Variants in MGA observed in about 807,000 individuals in gnomAD.
The protein encoded by MGA is MAX gene-associated protein.
MGA carries 40 observed loss-of-function variants against 261.1 expected under a neutral mutation model. That is an observed-to-expected ratio of 0.15 (90% CI 0.12 to 0.20). The LOEUF (loss-of-function observed/expected upper bound fraction) is 0.20. MGA is among the 10% of genes least tolerant of loss of function. MGA has a pLI of 1.00. For synonymous variants in MGA, 1,302 were observed against 1,290.6 expected (o/e 1.01, Z -0.19); for missense variants, 3,397 against 3,630.5 (o/e 0.94, Z 1.65).
chr15:41,737,436 T>A (rs993964743), intron 13 of MGA, among the ~76,000 whole-genome samples: 17 of 151,878 alleles, frequency 1.1e-4, no homozygotes, highest in African/African-American at 3.9e-4. Context: ...ATTACAGGGG[T>A]GAGCCACCAT....
chr15:41,762,587 C>T (rs114060885), intron 22 of MGA, among the ~76,000 whole-genome samples: 2,008 of 148,780 alleles, frequency 0.013, 50 homozygotes, highest in African/African-American at 0.047. Context: ...TCTGCTTCAG[C>T]CTCCTGAGTA....
At chr15:41,642,455 G>A (rs983501859) in intron 1 of MGA, among the ~76,000 whole-genome samples, 1 of 151,056 alleles carries the variant, frequency 6.6e-6, no homozygotes, top group Non-Finnish European at 1.5e-5. Flanking sequence ...GATTACAGGT[G>A]CCCGCCACTA....
At chr15:41,685,092 T>C (rs2058884350) in intron 2 of MGA, among the ~76,000 whole-genome samples, 1 of 152,228 alleles carries the variant, frequency 6.6e-6, no homozygotes. Flanking sequence ...GAAGTTGTTT[T>C]GGTTTTCACA....
At position 41,749,861 on chromosome 15, in the gene MGA, A is replaced by C. The variant is rs1389908138; in HGVS notation, c.6254A>C (p.Glu2085Ala). The C allele has an allele frequency of 6.2e-7, 1 of 1,613,940 alleles. No homozygotes were observed. The highest frequency in any genetic ancestry group is 1.7e-5 in the Admixed American group (1 of 60,024). Residue 2085 changes from glutamate to alanine, a missense_variant, in exon 17 of 24, where the codon GAA (glutamate) becomes GCA (alanine). This residue lies in a region of MGA where 1,410 missense variants were observed against 1,386.4 expected (regional missense o/e 1.02). Transcript: ENST00000219905. ...TCCAAAGAAAAAGTGGCTGTTCTGG[A>C]AGTTAGGACCATTTCTGAAAAAGCC...
chr15:41,727,119 C>G, intron 9 of MGA, 61 bp from the exon 10 acceptor site: 16 of 1,358,854 alleles, frequency 1.2e-5, no homozygotes, highest in Non-Finnish European at 1.6e-5. Flanking sequence ...TTTGGCAGTG[C>G]CTCAGTATTG....
chr15:41,762,109 T>G lies in MGA; in HGVS notation c.7511-20T>G, dbSNP rs761526697. 6.4e-6 allele frequency: 10 copies of G among 1,564,886 alleles called. No individual in the cohort carries two copies. Among genetic ancestry groups the G allele is most frequent in the Non-Finnish European group, 5.3e-6 (6 of 1,139,542 alleles). ...TGTGGCGTAATGCTGAAAGTGCTAATGTATTCTGTTAACTTACAGGTAAGA... is the reference window on the plus strand; with the variant it reads ...TGTGGCGTAATGCTGAAAGTGCTAAGGTATTCTGTTAACTTACAGGTAAGA... On this transcript the variant is annotated intron_variant, in intron 21 of 23. Coordinates refer to ENST00000219905, the MANE Select transcript of MGA (RefSeq NM_001164273.2).
At position 41,722,045 on chromosome 15, in the gene MGA, A is replaced by G. The variant is rs572032390; in HGVS notation, c.3431-5135A>G. 3.9e-5 allele frequency among the ~76,000 whole-genome samples: 6 copies of G among 152,232 alleles called. No homozygotes were observed. The South Asian group carries it at 1.2e-3, about 32-fold the overall frequency. ...TTCAGCATAGATGAATTTTACAAAT[A>G]TAATGTTGAAGGGGAAAAACGCCAG... On this transcript the variant is annotated intron_variant, in intron 9 of 23. Coordinates refer to ENST00000219905, the MANE Select transcript of MGA (RefSeq NM_001164273.2).
chr15:41,752,319 T>C (rs757864646), intron 17 of MGA: 2 of 152,192 alleles, frequency 1.3e-5, no homozygotes, highest in Non-Finnish European at 2.9e-5. Flanking sequence ...TGCTCTAAAA[T>C]TGGATGATTC....
At chr15:41,718,217 TATC>T (rs926027742) in intron 9 of MGA, among the ~76,000 whole-genome samples, 2 of 150,948 alleles carry the variant, frequency 1.3e-5, no homozygotes, top group East Asian at 3.9e-4. Context: ...ATTCAACATT[TATC>T]ATCTCAAGAT....
chr15:41,709,481 A>G (rs2060277768), intron 7 of MGA, among the ~76,000 whole-genome samples: 1 of 151,892 alleles, frequency 6.6e-6, no homozygotes, highest in Admixed American at 6.6e-5. Context: ...GTCTTGCTCC[A>G]TTGCCCAGGT....
At chr15:41,713,810 A>G (rs2060497407) in intron 9 of MGA, among the ~76,000 whole-genome samples, 1 of 152,216 alleles carries the variant, frequency 6.6e-6, no homozygotes, top group Non-Finnish European at 1.5e-5. Context: ...GCACACACAC[A>G]CAGGTAGACA....
At chr15:41,699,490 T>C (rs1290076129) in intron 5 of MGA, among the ~76,000 whole-genome samples, 1 of 109,068 alleles carries the variant, frequency 9.2e-6, no homozygotes. Context: ...GTTGCTTTTG[T>C]TTATGTGTGT....
chr15:41,737,125 C>A (rs2061824253), intron 13 of MGA, among the ~76,000 whole-genome samples: 1 of 151,920 alleles, frequency 6.6e-6, no homozygotes, highest in Non-Finnish European at 1.5e-5. Context: ...TAAAGATAGG[C>A]AATATATGTT....
chr15:41,754,858 TAA>T (rs1007111181), intron 18 of MGA, among the ~76,000 whole-genome samples: 2 of 152,234 alleles, frequency 1.3e-5, no homozygotes, highest in Non-Finnish European at 2.9e-5. Context: ...GGCAAATCTT[TAA>T]TCTCTCTGAA....
chr15:41,682,111 T>G (rs764195359), intron 2 of MGA, among the ~76,000 whole-genome samples: 42 of 152,052 alleles, frequency 2.8e-4, no homozygotes, highest in Non-Finnish European at 5.3e-4. Context: ...GAGATGAGGT[T>G]TCTCCATGTT....
At chr15:41,705,793 C>G (rs574438725) in intron 5 of MGA, among the ~76,000 whole-genome samples, 5 of 152,166 alleles carry the variant, frequency 3.3e-5, no homozygotes, top group Admixed American at 3.3e-4. Flanking sequence ...GAAGTTTAGC[C>G]CAAGTCATAC....
chr15:41,650,000 A>G (rs1393303569), intron 1 of MGA, among the ~76,000 whole-genome samples: 1 of 152,146 alleles, frequency 6.6e-6, no homozygotes, highest in African/African-American at 2.4e-5. Context: ...ACTTTGGTTA[A>G]CCAGTAACCA....
intron 9 of MGA, among the ~76,000 whole-genome samples, chr15:41,716,540 G>A (rs2060647232): frequency 6.6e-6 from 1 of 151,996 alleles, no homozygotes; most frequent in South Asian, 2.1e-4. Context: ...AGTTCTTAGA[G>A]GTAAACATGT....
chr15:41,650,930 A>G (rs540930320), intron 1 of MGA, among the ~76,000 whole-genome samples: 1 of 152,166 alleles, frequency 6.6e-6, no homozygotes, highest in Admixed American at 6.5e-5. Flanking sequence ...TTGTTCTGCT[A>G]TAACAGGATA....
Sources: gnomAD v4.1 joint callset for allele counts (sites outside exome capture counted in the v4.1 genomes callset) on GRCh38, gnomAD v4.1.1 for gene constraint, gnomAD v4.1.1 regional missense constraint, MANE v1.5 for transcripts, NCBI Gene and HGNC (gene_info 2026-07-23, HGNC 2026-07-21) for gene names.